Variants in MDGA2 observed in about 807,000 individuals in gnomAD.
MDGA2 encodes the protein MAM domain-containing glycosylphosphatidylinositol anchor protein 2.
MDGA2 carries 40 observed loss-of-function variants against 117.8 expected under a neutral mutation model. The observed-to-expected ratio is 0.34, with a 90% confidence interval of 0.26 to 0.44. The LOEUF (loss-of-function observed/expected upper bound fraction) is 0.44. MDGA2 is among the 20% of genes least tolerant of loss of function. The pLI is 1.00. For missense variants in MDGA2, 1,123 were observed against 1,250.6 expected (o/e 0.90, Z 1.54); for synonymous variants, 452 against 439.0 (o/e 1.03, Z -0.37).
At chr14:46,981,171 A>AGG (rs58347137) in intron 8 of MDGA2, among the ~76,000 whole-genome samples, 44,204 of 150,798 alleles carry the variant, frequency 0.29, 6,874 homozygotes, top group African/African-American at 0.37. Flanking sequence ...TGGGAGGCCA[A>AGG]GGGGGGGGCG....
intron 5 of MDGA2, among the ~76,000 whole-genome samples, chr14:47,104,683 G>T (rs925053881): frequency 6.6e-6 from 1 of 152,032 alleles, no homozygotes; most frequent in African/African-American, 2.4e-5. Context: ...CATGAAATTT[G>T]GTGCCGTGAC....
At chr14:47,091,446 T>C (rs539650489) in intron 6 of MDGA2, among the ~76,000 whole-genome samples, 3 of 152,182 alleles carry the variant, frequency 2.0e-5, no homozygotes, top group African/African-American at 7.2e-5. Context: ...GTATGGAAAT[T>C]AGAGATATGC....
rs981709243 is a variant in MDGA2, at chr14:47,010,358, T to TA, written c.1819+24652dup. Reference sequence around the variant, plus strand: ...TAAGATCTTAGGAAAAAAATAGATATAAAAAAATAACATAAAATTCTAATT... The same window carrying TA: ...TAAGATCTTAGGAAAAAAATAGATATAAAAAAAATAACATAAAATTCTAATT... On this transcript the variant is annotated intron_variant, in intron 8 of 16. Transcript: ENST00000399232. 3.3e-5 allele frequency among the ~76,000 whole-genome samples: 5 copies of TA among 150,848 alleles called. No homozygotes were observed. In the South Asian group the frequency reaches 8.3e-4, roughly 25 times the overall value.
intron 14 of MDGA2, among the ~76,000 whole-genome samples, chr14:46,870,670 G>A (rs990773462): frequency 3.3e-4 from 50 of 151,968 alleles, no homozygotes; most frequent in African/African-American, 1.2e-3. Flanking sequence ...TGACATAGGG[G>A]TCAAAATGTA....
At chr14:47,150,253 G>A (rs914232176) in intron 3 of MDGA2, among the ~76,000 whole-genome samples, 1 of 152,192 alleles carries the variant, frequency 6.6e-6, no homozygotes, top group East Asian at 1.9e-4. Context: ...TTCCCAACCA[G>A]GGTTCAGACT....
chr14:47,343,988 G>C (rs1247235152), intron 1 of MDGA2, among the ~76,000 whole-genome samples: 2 of 152,024 alleles, frequency 1.3e-5, no homozygotes. Flanking sequence ...GTATACCTCC[G>C]CGCATCTAGA....
At chr14:47,190,411 T>C (rs573620795) in intron 3 of MDGA2, among the ~76,000 whole-genome samples, 13 of 152,276 alleles carry the variant, frequency 8.5e-5, no homozygotes, top group African/African-American at 3.1e-4. Flanking sequence ...TATAAACACA[T>C]TGACCTTCAA....
At chr14:47,476,480 T>C (rs983311986) in intron 1 of MDGA2, among the ~76,000 whole-genome samples, 1 of 152,118 alleles carries the variant, frequency 6.6e-6, no homozygotes, top group Non-Finnish European at 1.5e-5. Context: ...TATCATATGA[T>C]GTCATTGAAT....
At chr14:47,226,628 G>T (rs1886512885) in intron 2 of MDGA2, among the ~76,000 whole-genome samples, 1 of 152,072 alleles carries the variant, frequency 6.6e-6, no homozygotes, top group Admixed American at 6.5e-5. Flanking sequence ...TGACAGGAGG[G>T]TACATCTTGG....
At chr14:47,536,233 A>T (rs1250396593) in intron 1 of MDGA2, among the ~76,000 whole-genome samples, 1 of 152,236 alleles carries the variant, frequency 6.6e-6, no homozygotes, top group Non-Finnish European at 1.5e-5. Context: ...GACACAGTCA[A>T]GCAAATACAA....
chr14:47,135,850 A>AT (rs896017300), intron 4 of MDGA2, among the ~76,000 whole-genome samples: 33 of 152,032 alleles, frequency 2.2e-4, no homozygotes, highest in Admixed American at 3.3e-4. Flanking sequence ...GCTATGAGTC[A>AT]TTTTTTTGTT....
At chr14:47,180,170 C>T (rs1410427723) in intron 3 of MDGA2, among the ~76,000 whole-genome samples, 1 of 152,028 alleles carries the variant, frequency 6.6e-6, no homozygotes, top group Non-Finnish European at 1.5e-5. Flanking sequence ...TTTTCTTGAT[C>T]CTCTCCTTCC....
chr14:47,432,542 C>T (rs17682114), intron 1 of MDGA2, among the ~76,000 whole-genome samples: 37,689 of 151,844 alleles, frequency 0.25, 4,980 homozygotes, highest in Middle Eastern at 0.41. Context: ...TAGTTGAAAA[C>T]AGGATAGGAT....
At chr14:47,003,856 A>G (rs925711944) in intron 8 of MDGA2, among the ~76,000 whole-genome samples, 6 of 151,942 alleles carry the variant, frequency 3.9e-5, no homozygotes, top group Non-Finnish European at 5.9e-5. Flanking sequence ...ATGAAATCAT[A>G]AAGCTTATAG....
chr14:47,035,410 G>C, intron 7 of MDGA2, 106 bp from the exon 8 acceptor site: 1 of 856,928 alleles, frequency 1.2e-6, no homozygotes, highest in Non-Finnish European at 1.8e-6. Flanking sequence ...GAAGAAATGT[G>C]ACAATTCGGA....
chr14:47,000,418 TACAC>T (rs1197331094), intron 8 of MDGA2, among the ~76,000 whole-genome samples: 43 of 137,844 alleles, frequency 3.1e-4, no homozygotes, highest in East Asian at 6.3e-4. Context: ...TTTATATATA[TACAC>T]ATATAAATAT....
chr14:47,252,399 G>A (rs1015945898), intron 2 of MDGA2, among the ~76,000 whole-genome samples: 7 of 151,838 alleles, frequency 4.6e-5, no homozygotes, highest in African/African-American at 1.7e-4. Flanking sequence ...ACACACACAA[G>A]TCCCTTCTCA....
chr14:47,403,559 A>G (rs535384614), intron 1 of MDGA2, among the ~76,000 whole-genome samples: 1 of 152,132 alleles, frequency 6.6e-6, no homozygotes, highest in Admixed American at 6.5e-5. Context: ...CTCCATCTCC[A>G]CTGCCATTGT....
chr14:47,179,521 C>T (rs1043885203), intron 3 of MDGA2, among the ~76,000 whole-genome samples: 2 of 151,934 alleles, frequency 1.3e-5, no homozygotes, highest in Non-Finnish European at 2.9e-5. Context: ...CACAACACAT[C>T]CCTGTATTAA....
Sources: gnomAD v4.1 joint callset for allele counts (sites outside exome capture counted in the v4.1 genomes callset) on GRCh38, gnomAD v4.1.1 for gene constraint, MANE v1.5 for transcripts, NCBI Gene and HGNC (gene_info 2026-07-23, HGNC 2026-07-21) for gene names.